The following CNTNAP2 variants were observed in gnomAD, a reference collection of about 807,000 sequenced individuals.
CNTNAP2 encodes the protein contactin associated protein 2, also known as contactin-associated protein-like 2.
CNTNAP2 carries 98 observed loss-of-function variants against 155.2 expected under a neutral mutation model. That is an observed-to-expected ratio of 0.63 (90% CI 0.54 to 0.75). The LOEUF is 0.75. Among genes scored for constraint, CNTNAP2 ranks in the 30% least tolerant of loss-of-function variants. CNTNAP2 has a pLI of 0.00. For missense variants in CNTNAP2, 1,727 were observed against 1,688.1 expected, an observed-to-expected ratio of 1.02 and a Z score of -0.40; for synonymous variants, 651 against 631.2, an observed-to-expected ratio of 1.03 and a Z score of -0.47.
rs146297758 is a variant in CNTNAP2 at position 147,613,330 on chromosome 7, G to A, written c.1898-25776G>A. Among the ~76,000 whole-genome samples, 199 of 152,138 alleles carry A rather than the reference G, an allele frequency of 1.3e-3. 1 individual carries two copies. The highest frequency in any genetic ancestry group is 2.7e-3 in the South Asian group (13 of 4,820). Reference sequence around the variant, plus strand: ...TGTTTCTTGCCTATTTTTCTTTTGCGTTATTTCCGTTTCTGTTAACTACTT... The same window carrying A: ...TGTTTCTTGCCTATTTTTCTTTTGCATTATTTCCGTTTCTGTTAACTACTT... On this transcript the variant is annotated intron_variant, in intron 12 of 23. Transcript: ENST00000361727.
intron 9 of CNTNAP2, among the ~76,000 whole-genome samples, chr7:147,330,809 G>A (rs1795547782): frequency 6.6e-6 from 1 of 152,042 alleles, no homozygotes; most frequent in Non-Finnish European, 1.5e-5. Flanking sequence ...TGTGATTAGA[G>A]GGATCGTTAT....
At chr7:146,173,166 G>A (rs766970290) in intron 1 of CNTNAP2, among the ~76,000 whole-genome samples, 4 of 152,012 alleles carry the variant, frequency 2.6e-5, no homozygotes, top group Admixed American at 6.6e-5. Flanking sequence ...AGTGAATTAC[G>A]TGCAGAGAAC....
intron 10 of CNTNAP2, among the ~76,000 whole-genome samples, chr7:147,398,797 A>C (rs752826085): frequency 1.1e-4 from 17 of 149,342 alleles, no homozygotes; most frequent in Admixed American, 2.0e-4. Context: ...GGACAGATAA[A>C]GATTATTGAA....
chr7:146,826,629 G>A (rs982171263), intron 2 of CNTNAP2, among the ~76,000 whole-genome samples: 1 of 152,014 alleles, frequency 6.6e-6, no homozygotes, highest in Non-Finnish European at 1.5e-5. Context: ...ATGTGCTAAT[G>A]CATGAGTGAT....
At chr7:146,198,102 C>T (rs1158934583) in intron 1 of CNTNAP2, among the ~76,000 whole-genome samples, 2 of 152,032 alleles carry the variant, frequency 1.3e-5, no homozygotes, top group African/African-American at 4.8e-5. Flanking sequence ...CACCTCCCAC[C>T]AAGTCCCTCC....
chr7:147,091,410 A>G (rs905372246), intron 4 of CNTNAP2, among the ~76,000 whole-genome samples: 29 of 152,084 alleles, frequency 1.9e-4, no homozygotes, highest in African/African-American at 7.0e-4. Flanking sequence ...GGCATGTGCT[A>G]TGATTCTAAG....
At chr7:146,382,650 G>T (rs1231707952) in intron 1 of CNTNAP2, among the ~76,000 whole-genome samples, 2 of 151,982 alleles carry the variant, frequency 1.3e-5, no homozygotes, top group Admixed American at 1.3e-4. Context: ...CCTGACCATG[G>T]AGATGCATAG....
intron 18 of CNTNAP2, among the ~76,000 whole-genome samples, chr7:148,202,954 T>C (rs10245185): frequency 0.42 from 63,319 of 152,104 alleles, 14,501 homozygotes; most frequent in Non-Finnish European, 0.51. Flanking sequence ...AAAAGACAGA[T>C]AAAGTATAAT....
chr7:147,997,327 G>A lies in CNTNAP2; in HGVS notation c.2383+19338G>A, dbSNP rs189409165. On this transcript the variant is annotated intron_variant, in intron 15 of 23. Coordinates refer to ENST00000361727, the MANE Select transcript of CNTNAP2 (RefSeq NM_014141.6). Reference sequence around the variant, plus strand: ...CCAGCACTTTGGGAGGCCGAGGCGGGTGGATGACCTGAGGTTGGGAGTTCA... The same window carrying A: ...CCAGCACTTTGGGAGGCCGAGGCGGATGGATGACCTGAGGTTGGGAGTTCA... Among the ~76,000 whole-genome samples, 213 of 152,286 alleles carry A rather than the reference G, an allele frequency of 1.4e-3. No individual in the cohort carries two copies. In the Middle Eastern group the frequency reaches 0.027, roughly 19 times the overall value.
intron 12 of CNTNAP2, among the ~76,000 whole-genome samples, chr7:147,571,728 A>G (rs1800298503): frequency 6.6e-6 from 1 of 152,122 alleles, no homozygotes; most frequent in African/African-American, 2.4e-5. Flanking sequence ...GTTGGGCGCT[A>G]CTAAGCTTCT....
intron 1 of CNTNAP2, among the ~76,000 whole-genome samples, chr7:146,728,627 G>C (rs201036872): frequency 1.4e-5 from 2 of 141,000 alleles, no homozygotes; most frequent in African/African-American, 2.7e-5. Context: ...AAAAAAAAAC[G>C]AAACAACAGC....
intron 16 of CNTNAP2, among the ~76,000 whole-genome samples, chr7:148,146,181 A>G (rs995204034): frequency 3.3e-5 from 5 of 152,206 alleles, no homozygotes; most frequent in Non-Finnish European, 7.3e-5. Context: ...AAAATGACAG[A>G]TATTTAATTA....
At chr7:148,251,224 C>T (rs1250127320) in intron 20 of CNTNAP2, among the ~76,000 whole-genome samples, 1 of 152,208 alleles carries the variant, frequency 6.6e-6, no homozygotes, top group Non-Finnish European at 1.5e-5. Context: ...GTTCCCACTA[C>T]TCCCTCAGGT....
chr7:147,389,986 T>C (rs2116441285), intron 9 of CNTNAP2, among the ~76,000 whole-genome samples: 1 of 152,328 alleles, frequency 6.6e-6, no homozygotes, highest in South Asian at 2.1e-4. Context: ...AATCCCACTG[T>C]TAATCTAAGT....
chr7:147,274,368 CATT>C (rs1804843835), intron 8 of CNTNAP2, among the ~76,000 whole-genome samples: 1 of 152,066 alleles, frequency 6.6e-6, no homozygotes, highest in South Asian at 2.1e-4. Flanking sequence ...AGATGATCAT[CATT>C]GATTTTGATC....
chr7:147,818,313 A>T (rs542048895), intron 13 of CNTNAP2, among the ~76,000 whole-genome samples: 1 of 152,356 alleles, frequency 6.6e-6, no homozygotes. Flanking sequence ...ACAGTCTTCA[A>T]TCAAGAACAT....
intron 1 of CNTNAP2, among the ~76,000 whole-genome samples, chr7:146,677,545 T>G (rs1800422934): frequency 6.6e-6 from 1 of 152,106 alleles, no homozygotes; most frequent in Non-Finnish European, 1.5e-5. Context: ...AGAATTTTAT[T>G]TTTGGTTTAC....
intron 1 of CNTNAP2, among the ~76,000 whole-genome samples, chr7:146,523,083 C>T (rs149175542): frequency 3.9e-4 from 59 of 151,862 alleles, no homozygotes; most frequent in African/African-American, 1.2e-3. Context: ...GGGATCCTGG[C>T]GCACCCATCA....
chr7:146,204,685 A>T (rs1294699973), intron 1 of CNTNAP2, among the ~76,000 whole-genome samples: 1 of 152,130 alleles, frequency 6.6e-6, no homozygotes, highest in Non-Finnish European at 1.5e-5. Context: ...GAGTTAAAAC[A>T]TCTTAGATAT....
Sources: allele counts gnomAD v4.1 joint callset (sites outside exome capture counted in the v4.1 genomes callset), GRCh38; gene constraint gnomAD v4.1.1; transcripts MANE v1.5; gene names NCBI Gene and HGNC (gene_info 2026-07-23, HGNC 2026-07-21).